Variants in CELF2 observed in about 807,000 individuals in gnomAD.
The protein encoded by CELF2 is CUG triplet repeat RNA-binding protein 2.
Under a neutral mutation model 62.6 loss-of-function variants are expected in CELF2, and 8 were observed. The observed-to-expected ratio is 0.13, with a 90% CI of 0.07 to 0.23. The LOEUF (loss-of-function observed/expected upper bound fraction) is 0.23. CELF2 is among the 10% of genes least tolerant of loss of function. The pLI, the probability that CELF2 is intolerant of heterozygous loss-of-function variation, is 1.00. For missense variants in CELF2, 333 were observed against 671.0 expected (o/e 0.50, Z 5.56); for synonymous variants, 258 against 250.0 (o/e 1.03, Z -0.30).
intron 2 of CELF2, among the ~76,000 whole-genome samples, chr10:10,974,054 C>T (rs190968186): frequency 6.6e-6 from 1 of 152,134 alleles, no homozygotes; most frequent in South Asian, 2.1e-4. Context: ...ACATCTATAC[C>T]AGAATCTCAG....
At chr10:10,943,740 A>T (rs2047308185) in intron 2 of CELF2, among the ~76,000 whole-genome samples, 1 of 150,796 alleles carries the variant, frequency 6.6e-6, no homozygotes, top group South Asian at 2.1e-4. Flanking sequence ...CTGGGATTAT[A>T]GGCACACACC....
chr10:10,484,342 C>T, the CELF2 span, among the ~76,000 whole-genome samples: 5 of 63,264 alleles, frequency 7.9e-5, no homozygotes, highest in Admixed American at 6.1e-4. Context: ...ATCTCACTCT[C>T]GTCTCACTCT....
the CELF2 span, among the ~76,000 whole-genome samples, chr10:10,632,283 T>C: frequency 6.6e-6 from 1 of 152,134 alleles, no homozygotes; most frequent in South Asian, 2.1e-4. Context: ...AAGGGTGGCA[T>C]GGGTTTTAAA....
intron 1 of CELF2, among the ~76,000 whole-genome samples, chr10:11,041,361 A>AC (rs1247579145): frequency 1.4e-4 from 22 of 152,222 alleles, no homozygotes; most frequent in African/African-American, 5.3e-4. Context: ...GGGAGACACT[A>AC]CCTAAGGCAA....
At chr10:11,133,423 A>T (rs1161498969) in intron 1 of CELF2, among the ~76,000 whole-genome samples, 1 of 152,212 alleles carries the variant, frequency 6.6e-6, no homozygotes, top group Non-Finnish European at 1.5e-5. Flanking sequence ...AGAAGAAGAA[A>T]CATTCGAGGT....
rs1470679085 is a variant in CELF2, at chr10:11,275,094, C to T, written c.815C>T (p.Ala272Val). The T allele has an allele frequency of 6.2e-6, 10 of 1,614,160 alleles. No individual in the cohort carries two copies. Among genetic ancestry groups the T allele is most frequent in the Non-Finnish European group, 8.5e-6 (10 of 1,180,018 alleles). Residue 272 changes from alanine (A) to valine (V), a missense_variant, in exon 8 of 13, where the codon GCG becomes GTG. Coordinates refer to ENST00000633077, the MANE Select transcript of CELF2 (RefSeq NM_001326342.2). ...GCCACCTCCTCCAGCAACCTGGGTG[C>T]GTTCAGCGGCATTCAACAAATGGCA... ...QQATSSSNLG[A>V]FSGIQQMAGM...
intron 2 of CELF2, among the ~76,000 whole-genome samples, chr10:11,183,827 G>A (rs1332740751): frequency 6.6e-6 from 1 of 152,218 alleles, no homozygotes; most frequent in East Asian, 1.9e-4. Flanking sequence ...TTTGATCAAA[G>A]TACTTCACTA....
intron 1 of CELF2, among the ~76,000 whole-genome samples, chr10:11,007,027 A>G (rs1042261803): frequency 1.3e-5 from 2 of 152,354 alleles, no homozygotes; most frequent in South Asian, 2.1e-4. Flanking sequence ...ATTATAATTG[A>G]TTTACATGAA....
chr10:10,665,925 C>G, the CELF2 span, among the ~76,000 whole-genome samples: 1 of 152,158 alleles, frequency 6.6e-6, no homozygotes, highest in Admixed American at 6.5e-5. Context: ...AGGAACGAAG[C>G]CAAGGCCATG....
intron 2 of CELF2, among the ~76,000 whole-genome samples, chr10:10,953,284 T>C (rs1310004246): frequency 6.6e-6 from 1 of 152,196 alleles, no homozygotes; most frequent in Non-Finnish European, 1.5e-5. Context: ...TCAGAAACTT[T>C]CACTCTATAC....
the CELF2 span, among the ~76,000 whole-genome samples, chr10:10,759,097 C>T: frequency 2.6e-5 from 4 of 152,106 alleles, no homozygotes; most frequent in African/African-American, 4.8e-5. Context: ...CTTTGTAACA[C>T]GGTTTGCCAT....
intron 2 of CELF2, among the ~76,000 whole-genome samples, chr10:10,932,502 T>A (rs2066179708): frequency 6.6e-6 from 1 of 152,166 alleles, no homozygotes; most frequent in South Asian, 2.1e-4. Flanking sequence ...GACATCACAA[T>A]GTACCCTATA....
the CELF2 span, among the ~76,000 whole-genome samples, chr10:10,645,645 C>T: frequency 6.6e-6 from 1 of 152,104 alleles, no homozygotes; most frequent in South Asian, 2.1e-4. Flanking sequence ...CAGAGCAAGA[C>T]TTTGTCTCAA....
At chr10:10,656,892 A>G in the CELF2 span, among the ~76,000 whole-genome samples, 1 of 150,950 alleles carries the variant, frequency 6.6e-6, no homozygotes, top group Non-Finnish European at 1.5e-5. Context: ...AAAAATAAAA[A>G]AATAACTTGC....
At chr10:11,152,589 A>G (rs1046357868) in intron 1 of CELF2, among the ~76,000 whole-genome samples, 10 of 152,332 alleles carry the variant, frequency 6.6e-5, no homozygotes, top group Middle Eastern at 3.4e-3. Flanking sequence ...TCAGAATCCT[A>G]AAGGATGTTC....
rs1564369832 is a variant in CELF2 at position 11,012,227 on chromosome 10, A to G, written c.53+6787A>G. Among the ~76,000 whole-genome samples the G allele has an allele frequency of 1.3e-5, 2 of 152,216 alleles. No individual in the cohort carries two copies. Among genetic ancestry groups the G allele is most frequent in the African/African-American group, 2.4e-5 (1 of 41,454 alleles). Reference sequence around the variant, plus strand: ...TCAGTCTGAAAGCAGTGCTTGCCCTAAAGATTCTGATCTGCATGTACTGGA... The same window carrying G: ...TCAGTCTGAAAGCAGTGCTTGCCCTGAAGATTCTGATCTGCATGTACTGGA... On this transcript the variant is annotated intron_variant, in intron 1 of 12. Coordinates refer to the CELF2 transcript ENST00000416382. This position sits in a 1 kb window ranked among gnomAD's most constrained non-coding sequence, Gnocchi z 5.5.
chr10:11,085,461 T>A (rs1164867614), intron 1 of CELF2, among the ~76,000 whole-genome samples: 5 of 152,238 alleles, frequency 3.3e-5, no homozygotes. Context: ...ACATTTTGAT[T>A]GGCAAATTGT....
At chr10:10,744,882 G>T in the CELF2 span, among the ~76,000 whole-genome samples, 1 of 152,012 alleles carries the variant, frequency 6.6e-6, no homozygotes, top group Non-Finnish European at 1.5e-5. Context: ...ACCAAAAATG[G>T]AAGCTAATTA....
chr10:10,568,656 T>C, the CELF2 span, among the ~76,000 whole-genome samples: 1 of 152,206 alleles, frequency 6.6e-6, no homozygotes, highest in Non-Finnish European at 1.5e-5. Flanking sequence ...AAAGAAGATC[T>C]GCACAGAGGC....
Sources: gnomAD v4.1 joint callset for allele counts (sites outside exome capture counted in the v4.1 genomes callset) on GRCh38, gnomAD v4.1.1 for gene constraint, Gnocchi (gnomAD v3.1) non-coding constraint, MANE v1.5 for transcripts, NCBI Gene and HGNC (gene_info 2026-07-23, HGNC 2026-07-21) for gene names.